AKAP6: variants seen among roughly 807,000 people sequenced by gnomAD.
The protein encoded by AKAP6 is A-kinase anchor protein 6.
AKAP6 carries 58 observed loss-of-function variants against 188.5 expected under a neutral mutation model. The ratio of observed to expected loss-of-function variants is 0.31; its 90% CI spans 0.25 to 0.38. The LOEUF (loss-of-function observed/expected upper bound fraction) is 0.38, where lower values mean the gene tolerates loss of function less well. Among genes scored for constraint, AKAP6 ranks in the 10% least tolerant of loss-of-function variants. The probability of loss-of-function intolerance (pLI) is 1.00; values close to 1 mark genes in which losing one functional copy is unlikely to be tolerated. For missense variants in AKAP6, 2,710 were observed against 2,740.0 expected (o/e 0.99, Z 0.24); for synonymous variants, 989 against 998.6 (o/e 0.99, Z 0.18).
rs765589655 is a variant in AKAP6, at chr14:32,822,534, G to A, written c.4721G>A (p.Gly1574Glu). The A allele has an allele frequency of 1.2e-6, 2 of 1,613,974 alleles. No individual in the cohort carries two copies. Among genetic ancestry groups the A allele is most frequent in the Admixed American group, 1.7e-5 (1 of 59,952 alleles). ...TCATCTATTGAGTCCCTTTCTCCAG[G>A]GGGTGATTTATTTGGATTGGGCATC... ...HSSSIESLSP[G>E]GDLFGLGIFK... Residue 1574 changes from glycine to glutamate, a missense_variant, in exon 13 of 14, where the codon GGG becomes GAG. Gly to Glu is a moderately conservative substitution (Grantham distance 98). Transcript: ENST00000280979.
chr14:32,633,862 T>C (rs148078075), intron 7 of AKAP6, among the ~76,000 whole-genome samples: 4 of 152,236 alleles, frequency 2.6e-5, no homozygotes, highest in Non-Finnish European at 4.4e-5. Context: ...CACTTCTTCA[T>C]GTCTCCCATC....
intron 7 of AKAP6, among the ~76,000 whole-genome samples, chr14:32,602,697 A>G (rs748729615): frequency 1.3e-5 from 2 of 152,202 alleles, no homozygotes; most frequent in Non-Finnish European, 2.9e-5. Context: ...GCTATTCTAT[A>G]GCACTTCTGT....
intron 2 of AKAP6, 131 bp downstream of exon 2, chr14:32,433,948 A>G (rs1890301370): frequency 2.5e-5 from 19 of 770,536 alleles, no homozygotes; most frequent in Middle Eastern, 3.8e-4. Context: ...TCAAACCATT[A>G]TCTTTAGAGA....
chr14:32,364,010 G>C (rs1887746389), intron 1 of AKAP6, among the ~76,000 whole-genome samples: 2 of 152,092 alleles, frequency 1.3e-5, no homozygotes, highest in Non-Finnish European at 2.9e-5. Flanking sequence ...CCAGTAGACT[G>C]TAAGAAGGAT....
chr14:32,483,843 A>T (rs1879507790), intron 2 of AKAP6, among the ~76,000 whole-genome samples: 1 of 151,866 alleles, frequency 6.6e-6, no homozygotes, highest in Non-Finnish European at 1.5e-5. Context: ...GGTTTGTTAC[A>T]TAGTATACAT....
chr14:32,677,608 A>G (rs986925618), intron 7 of AKAP6, among the ~76,000 whole-genome samples: 2 of 152,222 alleles, frequency 1.3e-5, no homozygotes, highest in Non-Finnish European at 2.9e-5. Flanking sequence ...AACAGCTGCA[A>G]TAAATAAAGC....
chr14:32,495,133 G>T (rs1253408994), intron 2 of AKAP6: 1 of 152,152 alleles, frequency 6.6e-6, no homozygotes, highest in Admixed American at 6.5e-5. Flanking sequence ...CATAACAAGT[G>T]TCTAGGCAGT....
At position 32,822,797 on chromosome 14, in the gene AKAP6, A is replaced by C. The variant is rs1418616200; in HGVS notation, c.4984A>C (p.Ser1662Arg). 4 of 1,613,858 alleles carry C rather than the reference A, an allele frequency of 2.5e-6. No individual in the cohort carries two copies. The highest frequency in any genetic ancestry group is 1.1e-5 in the South Asian group (1 of 91,088). The change falls in exon 13 of 14, where the codon AGT becomes CGT. Residue 1662 changes from serine to arginine, a missense_variant. Physicochemically the swap from Ser to Arg is moderately radical, Grantham distance 110. Transcript: ENST00000280979. ...RSVSDITLQSSSQKMSFTGQM... is the reference protein window; with the variant it reads ...RSVSDITLQSRSQKMSFTGQM... ...TGTTTCTGATATCACTCTTCAAAGC[A>C]GTTCCCAAAAGATGTCCTTTACTGG... is the stretch of plus-strand genomic sequence containing the variant.
intron 2 of AKAP6, among the ~76,000 whole-genome samples, chr14:32,469,074 C>T (rs1878621971): frequency 6.6e-6 from 1 of 152,160 alleles, no homozygotes; most frequent in Admixed American, 6.5e-5. Flanking sequence ...TTTTGTCATA[C>T]CTCCCTGACT....
chr14:32,378,881 A>G (rs1423358431), intron 1 of AKAP6, among the ~76,000 whole-genome samples: 1 of 151,798 alleles, frequency 6.6e-6, no homozygotes, highest in East Asian at 1.9e-4. Flanking sequence ...CTTTAAGGAC[A>G]ATTGAAGAGT....
chr14:32,453,832 G>A lies in AKAP6; in HGVS notation c.324+20015G>A, dbSNP rs1054961528. Among the ~76,000 whole-genome samples, 156 of 151,674 alleles carry A rather than the reference G, an allele frequency of 1.0e-3. 1 individual carries two copies. Among genetic ancestry groups the A allele is most frequent in the African/African-American group, 3.5e-3 (147 of 41,416 alleles). ...GATCTCCTGACCTCATGATCCGCCC[G>A]CCTCGGCCTCCCAAAGTGCTGGGAT... On this transcript the variant is annotated intron_variant, in intron 2 of 13. Coordinates refer to ENST00000280979, the MANE Select transcript of AKAP6 (RefSeq NM_004274.5).
chr14:32,427,445 A>T (rs976231232), intron 1 of AKAP6, among the ~76,000 whole-genome samples: 1 of 152,228 alleles, frequency 6.6e-6, no homozygotes, highest in African/African-American at 2.4e-5. Flanking sequence ...TCTTCTATTT[A>T]AGAGCTGAAA....
At chr14:32,508,577 C>G (rs1880989227) in intron 2 of AKAP6, among the ~76,000 whole-genome samples, 1 of 152,156 alleles carries the variant, frequency 6.6e-6, no homozygotes. Flanking sequence ...ATGACACTTA[C>G]TGCAAGGCCA....
At chr14:32,652,542 T>C (rs1167540483) in intron 7 of AKAP6, among the ~76,000 whole-genome samples, 1 of 152,154 alleles carries the variant, frequency 6.6e-6, no homozygotes, top group African/African-American at 2.4e-5. Context: ...ACAAGGAAAT[T>C]CCATCCATTA....
rs146694018 is a variant in AKAP6, at chr14:32,600,802, T to C, written c.2730+10T>C. The stretch of plus-strand genomic sequence containing the variant: ...GACTGGAAGCCCCAAGGTAAGTGGC[T>C]TGAAGTTTGCCTTATTTCCTCTTAT... On this transcript the variant is annotated intron_variant, in intron 7 of 13. Coordinates refer to ENST00000280979, the MANE Select transcript of AKAP6 (RefSeq NM_004274.5). 28 of 1,591,096 alleles carry C rather than the reference T, an allele frequency of 1.8e-5. No homozygotes were observed. The African/African-American group carries it at 3.1e-4, about 18-fold the overall frequency.
chr14:32,772,321 C>G (rs764868358), intron 11 of AKAP6, among the ~76,000 whole-genome samples: 2 of 151,996 alleles, frequency 1.3e-5, no homozygotes, highest in Non-Finnish European at 2.9e-5. Context: ...GTAATGAACT[C>G]TAGGAAAATA....
At chr14:32,337,445 A>G (rs763640372) in intron 1 of AKAP6, among the ~76,000 whole-genome samples, 11 of 152,302 alleles carry the variant, frequency 7.2e-5, no homozygotes, top group East Asian at 1.9e-4. Context: ...AAAGGTAACA[A>G]TAAAAACTAC....
At chr14:32,608,499 CAA>C (rs34523121) in intron 7 of AKAP6, among the ~76,000 whole-genome samples, 12 of 105,000 alleles carry the variant, frequency 1.1e-4, no homozygotes, top group African/African-American at 1.5e-4. Flanking sequence ...GAGTCTGTCT[CAA>C]AAAAAAAAAA....
chr14:32,745,493 C>CTG (rs1258873530), intron 11 of AKAP6, among the ~76,000 whole-genome samples: 6 of 104,900 alleles, frequency 5.7e-5, no homozygotes, highest in African/African-American at 1.5e-4. Flanking sequence ...CTCTCTCTCT[C>CTG]TCTGTCTCTC....
Sources: allele counts gnomAD v4.1 joint callset (sites outside exome capture counted in the v4.1 genomes callset), GRCh38; gene constraint gnomAD v4.1.1; transcripts MANE v1.5; gene names NCBI Gene and HGNC (gene_info 2026-07-23, HGNC 2026-07-21).